The following FAM120B variants were observed in gnomAD, a reference collection of about 807,000 sequenced individuals.
FAM120B encodes constitutive coactivator of peroxisome proliferator-activated receptor gamma.
In FAM120B, 83 loss-of-function variants were observed where a neutral mutation model predicts 96.3. The observed-to-expected ratio is 0.86, with a 90% CI of 0.72 to 1.03. The LOEUF is 1.03. FAM120B is among the 50% of genes least tolerant of loss of function. FAM120B has a pLI of 0.00. For missense variants in FAM120B, 1,027 were observed against 1,121.2 expected (o/e 0.92, Z 1.20); for synonymous variants, 407 against 402.7 (o/e 1.01, Z -0.13).
chr6:170,349,270 C>A (rs182641331), intron 5 of FAM120B, among the ~76,000 whole-genome samples: 1 of 152,222 alleles, frequency 6.6e-6, no homozygotes, highest in Non-Finnish European at 1.5e-5. Context: ...GCCATCGTCT[C>A]AGCTTCTCTG....
intron 3 of FAM120B, among the ~76,000 whole-genome samples, chr6:170,326,773 C>G (rs1032446755): frequency 1.3e-5 from 2 of 152,174 alleles, no homozygotes; most frequent in African/African-American, 2.4e-5. Flanking sequence ...GAGTCTCACT[C>G]TGTTGCCCAG....
At chr6:170,301,471 C>G (rs1784139573) in intron 1 of FAM120B, among the ~76,000 whole-genome samples, 1 of 152,242 alleles carries the variant, frequency 6.6e-6, no homozygotes, top group African/African-American at 2.4e-5. Flanking sequence ...GAGACATTTT[C>G]CCCACTGTTT....
Position 170,330,675 on chromosome 6 carries a change from C to T in FAM120B, c.2017+125C>T, listed in dbSNP as rs923283726. 5.6e-6 allele frequency: 4 copies of T among 713,014 alleles called. No homozygotes were observed. In the Admixed American group the frequency reaches 1.1e-4, roughly 19 times the overall value. The allele number at this position is 713,014 out of a possible 1,614,324, so 44.2% of individuals were successfully genotyped here. ...CACAAATACTAGTTTTTATTTAAAC[C>T]CTTGGCTCATGATTAATGTATCCAT... On this transcript the variant is annotated intron_variant, in intron 4 of 10. Coordinates refer to ENST00000476287, the MANE Select transcript of FAM120B (RefSeq NM_032448.3).
At chr6:170,339,834 T>C (rs1270907034) in intron 4 of FAM120B, among the ~76,000 whole-genome samples, 1 of 151,992 alleles carries the variant, frequency 6.6e-6, no homozygotes, top group Non-Finnish European at 1.5e-5. Flanking sequence ...TTTTGCGGCT[T>C]GTAGGGTTTC....
chr6:170,384,603 C>T (rs1030085954), intron 6 of FAM120B, among the ~76,000 whole-genome samples: 1 of 152,200 alleles, frequency 6.6e-6, no homozygotes, highest in Admixed American at 6.5e-5. Flanking sequence ...TTCTCTAGAT[C>T]TGTAAGTTAG....
At chr6:170,341,567 C>T (rs565233095) in intron 4 of FAM120B, among the ~76,000 whole-genome samples, 49 of 152,306 alleles carry the variant, frequency 3.2e-4, no homozygotes, top group South Asian at 2.1e-4. Flanking sequence ...GCAGCTAGCT[C>T]GGTGTCTGCC....
chr6:170,301,057 G>A (rs1489389467), intron 1 of FAM120B, among the ~76,000 whole-genome samples: 3 of 152,246 alleles, frequency 2.0e-5, no homozygotes, highest in Admixed American at 1.3e-4. Flanking sequence ...TTCTGTGTGG[G>A]GGATATGACC....
At chr6:170,359,171 C>T (rs984518167) in intron 6 of FAM120B, among the ~76,000 whole-genome samples, 1 of 152,152 alleles carries the variant, frequency 6.6e-6, no homozygotes, top group Non-Finnish European at 1.5e-5. Context: ...GAAGCCGAGG[C>T]GGGTGGATCA....
intron 6 of FAM120B, among the ~76,000 whole-genome samples, chr6:170,376,450 A>T (rs1431620984): frequency 2.0e-5 from 3 of 148,604 alleles, no homozygotes; most frequent in African/African-American, 7.4e-5. Flanking sequence ...AAGACAGTGA[A>T]CACAGAGATC....
At position 170,318,869 on chromosome 6, in the gene FAM120B, T is replaced by C; in HGVS notation, c.1479T>C (p.Ser493=). Residue 493 remains serine, a synonymous_variant, in exon 2 of 11, where the codon TCT becomes TCC. Transcript: ENST00000476287. ...TTTTAATACGGACAGACCCTGAATC[T>C]AGGCAAGAAATTATGTGTACAGGCC... ...QEVLIRTDPE[S]RQEIMCTGHE... 1 of 1,614,062 alleles carries C rather than the reference T, an allele frequency of 6.2e-7. No homozygotes were observed. The highest frequency in any genetic ancestry group is 8.5e-7 in the Non-Finnish European group (1 of 1,180,018).
In FAM120B at chr6:170,295,783, G is replaced by A. The variant is rs1783986012; in HGVS notation, c.48+330G>A. Reference sequence around the variant, plus strand: ...AACCCCACCTGGTTCGTGTCGGGGGGTCGTTTTGCGGTGGGGGGAGTCCGA... The same window carrying A: ...AACCCCACCTGGTTCGTGTCGGGGGATCGTTTTGCGGTGGGGGGAGTCCGA... On this transcript the variant is annotated intron_variant, in intron 1 of 10. Coordinates refer to the FAM120B transcript ENST00000537664. The surrounding 1 kb of genome is among the most constrained non-coding windows in gnomAD (Gnocchi z 7.8). 1.3e-5 allele frequency among the ~76,000 whole-genome samples: 2 copies of A among 152,110 alleles called. No individual in the cohort carries two copies. The highest frequency in any genetic ancestry group is 2.1e-4 in the South Asian group (1 of 4,830).
At chr6:170,310,153 C>T (rs750078090) in intron 1 of FAM120B, among the ~76,000 whole-genome samples, 8 of 152,110 alleles carry the variant, frequency 5.3e-5, no homozygotes, top group Non-Finnish European at 1.2e-4. Context: ...AAAGGTAGTC[C>T]GTAGATGATA....
chr6:170,336,649 T>C (rs1243261177), intron 4 of FAM120B, among the ~76,000 whole-genome samples: 2 of 152,266 alleles, frequency 1.3e-5, no homozygotes, highest in African/African-American at 4.8e-5. Flanking sequence ...TGATATTAAT[T>C]CTTCCTATCC....
At chr6:170,336,680 C>T (rs1562540856) in intron 4 of FAM120B, among the ~76,000 whole-genome samples, 1 of 152,058 alleles carries the variant, frequency 6.6e-6, no homozygotes, top group African/African-American at 2.4e-5. Context: ...AATGTTTTTC[C>T]ATTTGTTTGT....
At chr6:170,403,860 T>C (rs1778704217) in intron 9 of FAM120B, among the ~76,000 whole-genome samples, 1 of 152,200 alleles carries the variant, frequency 6.6e-6, no homozygotes, top group Non-Finnish European at 1.5e-5. Context: ...ACTTTGGCTG[T>C]AGCCCTCTCC....
chr6:170,334,243 A>G (rs1431716704), intron 4 of FAM120B, among the ~76,000 whole-genome samples: 1 of 152,200 alleles, frequency 6.6e-6, no homozygotes, highest in Non-Finnish European at 1.5e-5. Context: ...GAACCTTTTT[A>G]AAGTGGTGTT....
At chr6:170,346,459 A>T (rs9356646) in intron 4 of FAM120B, among the ~76,000 whole-genome samples, 15,690 of 152,290 alleles carry the variant, frequency 0.1, 1,032 homozygotes, top group East Asian at 0.2. Context: ...TATATTTGAA[A>T]TAACTGTGAT....
rs1286952681 is a variant in FAM120B, at chr6:170,406,138, TTGA to T, written c.*1393_*1395del. The T allele has an allele frequency of 1.3e-5, 2 of 152,216 alleles. No homozygotes were observed. Among genetic ancestry groups the T allele is most frequent in the East Asian group, 1.9e-4 (1 of 5,200 alleles). 9.4% of individuals were successfully genotyped at this position (152,216 alleles called of 1,614,324 possible). ...TGTGGGAAAAGGAATGGCCAGGGTA[TTGA>T]TGATGGAAAAGATTCAAATGAGGAG... On this transcript the variant is annotated 3_prime_UTR_variant, in exon 11 of 11. Transcript: ENST00000476287.
intron 6 of FAM120B, among the ~76,000 whole-genome samples, chr6:170,375,872 G>C (rs1403213743): frequency 1.3e-5 from 2 of 152,168 alleles, no homozygotes; most frequent in Non-Finnish European, 1.5e-5. Flanking sequence ...ATAAAGGGTG[G>C]GTAGGATTTA....
Sources: gnomAD v4.1 joint callset for allele counts (sites outside exome capture counted in the v4.1 genomes callset) on GRCh38, gnomAD v4.1.1 for gene constraint, Gnocchi (gnomAD v3.1) non-coding constraint, MANE v1.5 for transcripts, NCBI Gene and HGNC (gene_info 2026-07-23, HGNC 2026-07-21) for gene names.